Variants in KIFC3 observed in about 807,000 individuals in gnomAD.
KIFC3 encodes kinesin-like protein KIFC3.
In KIFC3, 60 loss-of-function variants were observed where a neutral mutation model predicts 101.8. The observed-to-expected ratio is 0.59, with a 90% CI of 0.48 to 0.73. KIFC3 has a LOEUF of 0.73. Ranked by LOEUF, KIFC3 falls within the 30% of genes least tolerant of loss-of-function variation. The pLI, the probability that KIFC3 is intolerant of heterozygous loss-of-function variation, is 0.00. For missense variants in KIFC3, 966 were observed against 1,137.1 expected (o/e 0.85, Z 2.16); for synonymous variants, 476 against 482.7 (o/e 0.99, Z 0.18).
chr16:57,773,801 CTG>C (rs1484177379), intron 3 of KIFC3: 2 of 152,184 alleles, frequency 1.3e-5, no homozygotes, highest in African/African-American at 4.8e-5. Context: ...TCAAACAAGT[CTG>C]TGTCATCAAA....
In KIFC3 at chr16:57,772,259, G is replaced by A. The variant is rs782328234; in HGVS notation, c.345C>T (p.Ser115=). 5.6e-6 allele frequency: 9 copies of A among 1,613,666 alleles called. No homozygotes were observed. Among genetic ancestry groups the A allele is most frequent in the Non-Finnish European group, 7.6e-6 (9 of 1,179,866 alleles). The change falls in exon 4 of 20, where the codon AGC becomes AGT. Residue 115 remains serine, a synonymous_variant. Transcript: ENST00000445690. Reference sequence around the variant, plus strand: ...GCAGTCGGCTCACTTCCTGGGCCTGGCTAATGAGCTTCTCCTTCAGGTGTT... The same window carrying A: ...GCAGTCGGCTCACTTCCTGGGCCTGACTAATGAGCTTCTCCTTCAGGTGTT... ...QVEHLKEKLI[S]QAQEVSRLRS...
At chr16:57,860,232 T>C (rs2149341151) in intron 1 of KIFC3, among the ~76,000 whole-genome samples, 1 of 152,068 alleles carries the variant, frequency 6.6e-6, no homozygotes. Flanking sequence ...AGCAGGTGGA[T>C]AACCTGAAGT....
At position 57,802,457 on chromosome 16, in the gene KIFC3, G is replaced by A. The variant is rs1248257794; in HGVS notation, c.-127C>T. On this transcript the variant is annotated 5_prime_UTR_variant, in exon 1 of 20. Transcript: ENST00000445690. This position sits in a 1 kb window ranked among gnomAD's most constrained non-coding sequence, Gnocchi z 5.0. ...CGCCGGCAGGAGGCAGCTCCACGCC[G>A]CCGCCTCCTCCTCGGCCAGCCCGCT... 1.7e-5 allele frequency: 17 copies of A among 982,874 alleles called. No homozygotes were observed. The Admixed American group carries it at 7.5e-4, about 43-fold the overall frequency. The allele number at this position is 982,874 out of a possible 1,614,324, so 60.9% of individuals were successfully genotyped here.
intron 3 of KIFC3, among the ~76,000 whole-genome samples, chr16:57,777,654 G>C (rs2052262129): frequency 6.6e-6 from 1 of 151,946 alleles, no homozygotes; most frequent in South Asian, 2.1e-4. Context: ...CCGAGAGGCA[G>C]AGGTCGCAGT....
At chr16:57,783,919 C>T (rs537289604) in intron 3 of KIFC3, among the ~76,000 whole-genome samples, 3 of 152,198 alleles carry the variant, frequency 2.0e-5, no homozygotes, top group East Asian at 3.9e-4. Flanking sequence ...CCCCCTGCAA[C>T]CCCCCAAGGC....
chr16:57,812,613 T>TGAAG (rs1215820614), intron 1 of KIFC3, among the ~76,000 whole-genome samples: 1 of 151,954 alleles, frequency 6.6e-6, no homozygotes, highest in Admixed American at 6.6e-5. Context: ...TGTGTGGACC[T>TGAAG]GAAGGAATGT....
intron 1 of KIFC3, among the ~76,000 whole-genome samples, chr16:57,841,076 C>T (rs551441047): frequency 6.6e-6 from 1 of 152,300 alleles, no homozygotes; most frequent in South Asian, 2.1e-4. Flanking sequence ...GCTGTTCTAG[C>T]CCTTGCTGGA....
chr16:57,790,878 C>T, intron 3 of KIFC3: 1 of 984,348 alleles, frequency 1.0e-6, no homozygotes, highest in Non-Finnish European at 1.2e-6. Context: ...AATTCACCCC[C>T]TCCCTCTCTC....
chr16:57,785,237 T>C (rs981866666), intron 3 of KIFC3, among the ~76,000 whole-genome samples: 1 of 152,086 alleles, frequency 6.6e-6, no homozygotes, highest in African/African-American at 2.4e-5. Flanking sequence ...AGGACCAGGA[T>C]GGGAGGCCTC....
chr16:57,805,673 CTTT>C (rs5817120), upstream of KIFC3, among the ~76,000 whole-genome samples: 11 of 97,980 alleles, frequency 1.1e-4, no homozygotes, highest in Non-Finnish European at 8.8e-5. Flanking sequence ...TGCCCATAGA[CTTT>C]TTTTTTTTTT....
rs2049423618 is a variant in KIFC3, at chr16:57,758,747, G to A, written c.*187C>T. 1 of 962,086 alleles carries A rather than the reference G, an allele frequency of 1.0e-6. No individual in the cohort carries two copies. Among genetic ancestry groups the A allele is most frequent in the East Asian group, 2.4e-5 (1 of 41,406 alleles). The allele number at this position is 962,086 out of a possible 1,614,324, so 59.6% of individuals were successfully genotyped here. A position where few individuals can be genotyped will look rare whatever the true frequency, so the allele number is the denominator to read the frequency against. On this transcript the variant is annotated 3_prime_UTR_variant, in exon 20 of 20. Transcript: ENST00000445690. Reference sequence around the variant, plus strand: ...CAGCCGAGAGACACCGTTTCCTTCTGAACATGTTTCTCATCTTTGAGGGGA... The same window carrying A: ...CAGCCGAGAGACACCGTTTCCTTCTAAACATGTTTCTCATCTTTGAGGGGA...
At chr16:57,780,424 T>C (rs2149070314) in intron 3 of KIFC3, among the ~76,000 whole-genome samples, 1 of 152,000 alleles carries the variant, frequency 6.6e-6, no homozygotes, top group South Asian at 2.1e-4. Flanking sequence ...AGTGGGAGAA[T>C]TCCTTGAACT....
At chr16:57,763,007 C>T (rs1379758337) in intron 12 of KIFC3, among the ~76,000 whole-genome samples, 2 of 152,212 alleles carry the variant, frequency 1.3e-5, no homozygotes, top group Admixed American at 6.5e-5. Context: ...GGAGGCTGCT[C>T]CTTCGCCCAG....
At chr16:57,760,193 G>C in intron 17 of KIFC3, 89 bp downstream of exon 17, 1 of 1,471,148 alleles carries the variant, frequency 6.8e-7, no homozygotes, top group Non-Finnish European at 9.1e-7. Context: ...CACTGCTTCA[G>C]GACGTCCCCG....
intron 3 of KIFC3, among the ~76,000 whole-genome samples, chr16:57,789,475 T>C (rs2053656919): frequency 1.3e-5 from 2 of 152,156 alleles, no homozygotes; most frequent in Admixed American, 1.3e-4. Flanking sequence ...TTGAGGATCA[T>C]GAAAATAAAA....
At chr16:57,793,141 G>A (rs1215709511) in intron 3 of KIFC3, among the ~76,000 whole-genome samples, 1 of 150,778 alleles carries the variant, frequency 6.6e-6, no homozygotes, top group Non-Finnish European at 1.5e-5. Context: ...ACAAAAATTA[G>A]CCAGGTGTGG....
intron 1 of KIFC3, among the ~76,000 whole-genome samples, chr16:57,809,844 G>T (rs2055024078): frequency 6.6e-6 from 1 of 152,284 alleles, no homozygotes; most frequent in Admixed American, 6.5e-5. Flanking sequence ...GCCCTGGCTG[G>T]TTCTCCTGGG....
chr16:57,814,594 T>C (rs1477928595), intron 1 of KIFC3, among the ~76,000 whole-genome samples: 1 of 152,124 alleles, frequency 6.6e-6, no homozygotes, highest in Non-Finnish European at 1.5e-5. Context: ...GAAGAAACTG[T>C]CACTGTCATT....
chr16:57,831,743 C>T (rs1555479331), intron 1 of KIFC3, among the ~76,000 whole-genome samples: 7 of 152,190 alleles, frequency 4.6e-5, no homozygotes, highest in Non-Finnish European at 8.8e-5. Flanking sequence ...ACATGTCTGA[C>T]AAGCTCTCCG....
Sources: gnomAD v4.1 joint callset for allele counts (sites outside exome capture counted in the v4.1 genomes callset) on GRCh38, gnomAD v4.1.1 for gene constraint, Gnocchi (gnomAD v3.1) non-coding constraint, MANE v1.5 for transcripts, NCBI Gene and HGNC (gene_info 2026-07-23, HGNC 2026-07-21) for gene names.